Variants in SLC7A9 observed in about 807,000 individuals in gnomAD.
SLC7A9 encodes solute carrier family 7 member 9.
SLC7A9 carries 38 observed loss-of-function variants against 54.1 expected under a neutral mutation model. The ratio of observed to expected loss-of-function variants is 0.70; its 90% CI spans 0.54 to 0.92. SLC7A9 has a LOEUF of 0.92. Ranked by LOEUF, SLC7A9 falls within the 40% of genes least tolerant of loss-of-function variation. The probability of loss-of-function intolerance (pLI) is 0.00; values close to 1 mark genes in which losing one functional copy is unlikely to be tolerated. For synonymous variants in SLC7A9, 264 were observed against 258.9 expected, an observed-to-expected ratio of 1.02 and a Z score of -0.19; for missense variants, 537 against 636.1, an observed-to-expected ratio of 0.84 and a Z score of 1.68.
chr19:32,866,742 G>A (rs968152909), intron 2 of SLC7A9, among the ~76,000 whole-genome samples: 1 of 152,156 alleles, frequency 6.6e-6, no homozygotes, highest in Admixed American at 6.5e-5. Flanking sequence ...GGGGGTCCCA[G>A]GCCAAGCCAT....
chr19:32,848,542 T>G (rs372055060), intron 9 of SLC7A9, among the ~76,000 whole-genome samples: 1 of 152,112 alleles, frequency 6.6e-6, no homozygotes, highest in Admixed American at 6.6e-5. Context: ...AGCAAGTCCT[T>G]AGTGACCTAC....
rs780106685 is a variant in SLC7A9 at position 32,833,219 on chromosome 19, A to G, written c.1329T>C (p.Phe443=). 3 of 1,614,206 alleles carry G rather than the reference A, an allele frequency of 1.9e-6. No individual in the cohort carries two copies. Among genetic ancestry groups the G allele is most frequent in the East Asian group, 4.5e-5 (2 of 44,884 alleles). ...AGTAAAATAAAAGGCCGCTTAATAT[A>G]AACAGCACACAGTAGAGGTACTCCC... ...PTWEYLYCVL[F]ILSGLLFYFL... The change falls in exon 12 of 13, where the codon TTT becomes TTC. Residue 443 remains phenylalanine (F), a synonymous_variant. Transcript: ENST00000023064.
Position 32,862,231 on chromosome 19 carries a change from A to G in SLC7A9, c.605-14T>C, listed in dbSNP as rs749172165. ...TCTTTGTGTTTCCTGTAATGAAGCC[A>G]GACAGTGAACGGCGGGTGTCAACCG... On this transcript the variant is annotated splice_polypyrimidine_tract_variant and intron_variant, in intron 5 of 12. Transcript: ENST00000023064. The G allele has an allele frequency of 1.8e-5, 29 of 1,603,436 alleles. No homozygotes were observed. The highest frequency in any genetic ancestry group is 2.2e-5 in the Non-Finnish European group (26 of 1,170,352).
chr19:32,835,509 G>A (rs1967931250), intron 11 of SLC7A9, among the ~76,000 whole-genome samples: 1 of 152,070 alleles, frequency 6.6e-6, no homozygotes, highest in South Asian at 2.1e-4. Flanking sequence ...CAATTTTCTA[G>A]GAAAATGTAA....
At chr19:32,837,265 G>A (rs1203474022) in intron 11 of SLC7A9, among the ~76,000 whole-genome samples, 2 of 152,212 alleles carry the variant, frequency 1.3e-5, no homozygotes, top group East Asian at 3.9e-4. Flanking sequence ...GGAGGCCAAG[G>A]CAGGAAGATA....
At chr19:32,860,710 C>A (rs943544729) in intron 6 of SLC7A9, 60 bp from the exon 7 acceptor site, 5 of 1,603,914 alleles carry the variant, frequency 3.1e-6, no homozygotes, top group Admixed American at 1.7e-5. Context: ...ATAATGAAAC[C>A]CACAATAATA....
intron 12 of SLC7A9, 48 bp downstream of exon 12, chr19:32,833,101 C>A: frequency 1.3e-6 from 2 of 1,579,358 alleles, no homozygotes. Context: ...GGACGCCGTG[C>A]CTGCCTGCAC....
intron 9 of SLC7A9, 112 bp downstream of exon 9, chr19:32,858,328 C>T: frequency 4.0e-6 from 3 of 754,498 alleles, no homozygotes; most frequent in South Asian, 1.5e-5. Context: ...CTTGTACTGG[C>T]GTGGGTTTCG....
chr19:32,855,509 C>T (rs1039180387), intron 9 of SLC7A9, among the ~76,000 whole-genome samples: 7 of 152,104 alleles, frequency 4.6e-5, no homozygotes, highest in Admixed American at 1.3e-4. Flanking sequence ...ACCATCCTGG[C>T]AAACACGGTG....
intron 11 of SLC7A9, among the ~76,000 whole-genome samples, chr19:32,841,510 G>A (rs1968126245): frequency 6.6e-6 from 1 of 152,072 alleles, no homozygotes; most frequent in Non-Finnish European, 1.5e-5. Flanking sequence ...AGGATCGCTT[G>A]AGCCCAGGAG....
intron 11 of SLC7A9, among the ~76,000 whole-genome samples, chr19:32,836,724 C>A (rs1466814805): frequency 6.6e-6 from 1 of 152,128 alleles, no homozygotes; most frequent in Non-Finnish European, 1.5e-5. Flanking sequence ...CTGTTATTAA[C>A]GTGTTTCTCC....
intron 9 of SLC7A9, among the ~76,000 whole-genome samples, chr19:32,854,057 G>T (rs1348091849): frequency 2.0e-5 from 3 of 151,256 alleles, no homozygotes; most frequent in African/African-American, 7.3e-5. Context: ...TCCCAGGCTG[G>T]AGTGCAGTGC....
chr19:32,868,683 G>A (rs1175305433), intron 1 of SLC7A9, 38 bp from the exon 2 acceptor site: 5 of 714,102 alleles, frequency 7.0e-6, no homozygotes, highest in Non-Finnish European at 7.6e-6. Flanking sequence ...TGCAGGTGGG[G>A]GCCGCTGCCA....
intron 2 of SLC7A9, among the ~76,000 whole-genome samples, chr19:32,867,221 G>T (rs1276635170): frequency 6.6e-6 from 1 of 152,186 alleles, no homozygotes; most frequent in African/African-American, 2.4e-5. Context: ...GCCCTCTCTG[G>T]CTGGGCACAG....
chr19:32,847,775 G>T (rs888772346), intron 9 of SLC7A9, among the ~76,000 whole-genome samples: 1 of 152,182 alleles, frequency 6.6e-6, no homozygotes, highest in African/African-American at 2.4e-5. Flanking sequence ...AATGCTAAGG[G>T]CAGCCAGAGA....
intron 2 of SLC7A9, among the ~76,000 whole-genome samples, chr19:32,865,601 C>T (rs940212524): frequency 6.6e-6 from 1 of 152,214 alleles, no homozygotes. Context: ...GGGCTGGGGC[C>T]CTGCCTAGAA....
intron 10 of SLC7A9, among the ~76,000 whole-genome samples, chr19:32,843,282 C>T (rs922049174): frequency 1.3e-5 from 2 of 152,038 alleles, no homozygotes; most frequent in Non-Finnish European, 2.9e-5. Flanking sequence ...CATGGTGAAA[C>T]CCCATCTCTA....
chr19:32,858,558 G>A lies in SLC7A9; in HGVS notation c.874-15C>T, dbSNP rs753399795. 7.5e-6 allele frequency: 12 copies of A among 1,592,426 alleles called. 1 individual carries two copies. Among genetic ancestry groups the A allele is most frequent in the South Asian group, 4.4e-5 (4 of 90,318 alleles). ...TCACCAAATGTCTGGTGAGAGAAGC[G>A]AGATGAGTCCTGAGGGTCTTTCTTG... On this transcript the variant is annotated splice_polypyrimidine_tract_variant and intron_variant, in intron 8 of 12. Coordinates refer to ENST00000023064, the MANE Select transcript of SLC7A9 (RefSeq NM_014270.5).
At chr19:32,852,387 G>T (rs1044231442) in intron 9 of SLC7A9, among the ~76,000 whole-genome samples, 1 of 151,972 alleles carries the variant, frequency 6.6e-6, no homozygotes, top group Non-Finnish European at 1.5e-5. Flanking sequence ...CTACTTGAGA[G>T]GCTGAGGTGG....
Sources: gnomAD v4.1 joint callset for allele counts (sites outside exome capture counted in the v4.1 genomes callset) on GRCh38, gnomAD v4.1.1 for gene constraint, MANE v1.5 for transcripts, NCBI Gene and HGNC (gene_info 2026-07-23, HGNC 2026-07-21) for gene names.